Variants in CSMD3 observed in about 807,000 individuals in gnomAD.
CSMD3 encodes CUB and Sushi multiple domains 3, also known as CUB and sushi domain-containing protein 3.
Under a neutral mutation model 435.2 loss-of-function variants are expected in CSMD3, and 177 were observed. The ratio of observed to expected loss-of-function variants is 0.41; its 90% CI spans 0.36 to 0.46. The LOEUF is 0.46. CSMD3 is among the 20% of genes least tolerant of loss of function. The pLI, the probability that CSMD3 is intolerant of heterozygous loss-of-function variation, is 0.34. For missense variants in CSMD3, 4,265 were observed against 4,504.6 expected (o/e 0.95, Z 1.52); for synonymous variants, 1,656 against 1,520.5 (o/e 1.09, Z -2.07).
chr8:113,061,761 A>G (rs1327620885), intron 5 of CSMD3, among the ~76,000 whole-genome samples: 1 of 152,158 alleles, frequency 6.6e-6, no homozygotes, highest in South Asian at 2.1e-4. Flanking sequence ...AATAAAAAAA[A>G]AGTTAAAGCA....
At chr8:113,153,134 G>GAAAGAAAGAGAAA (rs1564370995) in intron 4 of CSMD3, among the ~76,000 whole-genome samples, 3 of 94,084 alleles carry the variant, frequency 3.2e-5, no homozygotes, top group African/African-American at 1.9e-4. Flanking sequence ...AGAGAAAGAA[G>GAAAGAAAGAGAAA]GAAGGAAGGA....
intron 10 of CSMD3, among the ~76,000 whole-genome samples, chr8:112,872,527 G>A (rs2081164874): frequency 6.6e-6 from 1 of 151,862 alleles, no homozygotes; most frequent in South Asian, 2.1e-4. Flanking sequence ...GAAATATAAT[G>A]TACAGATTTT....
chr8:112,775,668 A>G (rs1399880499), intron 13 of CSMD3, among the ~76,000 whole-genome samples: 4 of 152,010 alleles, frequency 2.6e-5, no homozygotes, highest in Admixed American at 2.6e-4. Flanking sequence ...TTTAAATGTA[A>G]GATGTGACAA....
At chr8:113,104,486 A>G (rs1297562258) in intron 4 of CSMD3, among the ~76,000 whole-genome samples, 1 of 152,110 alleles carries the variant, frequency 6.6e-6, no homozygotes, top group Non-Finnish European at 1.5e-5. Flanking sequence ...AACTGCCTCT[A>G]CTTACATTTA....
chr8:112,239,919 A>G (rs907097769), intron 66 of CSMD3, among the ~76,000 whole-genome samples: 1 of 152,048 alleles, frequency 6.6e-6, no homozygotes, highest in Non-Finnish European at 1.5e-5. Flanking sequence ...ACTCTGTTAC[A>G]GTCTTAATAT....
chr8:113,065,488 G>A (rs145920544), intron 5 of CSMD3, among the ~76,000 whole-genome samples: 14,620 of 152,070 alleles, frequency 0.096, 1,067 homozygotes, highest in African/African-American at 0.2. Context: ...CTGGGTTCAC[G>A]CCATTCTCCT....
At chr8:112,690,595 C>CCG (rs1554651863) in intron 13 of CSMD3, among the ~76,000 whole-genome samples, 18 of 150,302 alleles carry the variant, frequency 1.2e-4, no homozygotes, top group African/African-American at 4.4e-4. Context: ...AGACCCCCCC[C>CCG]CCCAACAAAA....
intron 13 of CSMD3, among the ~76,000 whole-genome samples, chr8:112,785,841 T>C (rs2078523535): frequency 6.6e-6 from 1 of 152,040 alleles, no homozygotes; most frequent in Admixed American, 6.6e-5. Context: ...ATCAGTATTA[T>C]TAACATGTCT....
chr8:112,821,273 T>C (rs1392886075), intron 12 of CSMD3, among the ~76,000 whole-genome samples: 1 of 152,232 alleles, frequency 6.6e-6, no homozygotes, highest in Non-Finnish European at 1.5e-5. Flanking sequence ...TTACCAGCAA[T>C]GTAAAATCAT....
chr8:112,436,501 T>G (rs1439842117), intron 32 of CSMD3, among the ~76,000 whole-genome samples: 1 of 151,894 alleles, frequency 6.6e-6, no homozygotes, highest in African/African-American at 2.4e-5. Flanking sequence ...CCTATACTGC[T>G]AAGTACAATA....
intron 1 of CSMD3, among the ~76,000 whole-genome samples, chr8:113,435,634 C>T (rs929095112): frequency 1.3e-5 from 2 of 151,882 alleles, no homozygotes; most frequent in Admixed American, 6.6e-5. Context: ...CCGCGACACA[C>T]AGACACCCGG....
chr8:112,604,768 T>C (rs553750969), intron 22 of CSMD3, among the ~76,000 whole-genome samples: 1 of 151,944 alleles, frequency 6.6e-6, no homozygotes, highest in South Asian at 2.1e-4. Context: ...TAGCAAGAAA[T>C]ACAAAAATTA....
intron 4 of CSMD3, among the ~76,000 whole-genome samples, chr8:113,147,549 C>T (rs1056184089): frequency 2.0e-5 from 3 of 151,568 alleles, no homozygotes; most frequent in African/African-American, 7.3e-5. Context: ...TCTGAACTCG[C>T]TTCTCTTCCC....
At chr8:112,839,935 T>G (rs1043029769) in intron 11 of CSMD3, among the ~76,000 whole-genome samples, 5 of 151,790 alleles carry the variant, frequency 3.3e-5, no homozygotes, top group African/African-American at 1.2e-4. Context: ...AAAGACAGGA[T>G]GTAAGATACC....
intron 5 of CSMD3, among the ~76,000 whole-genome samples, chr8:113,084,782 A>G (rs902776934): frequency 1.3e-5 from 2 of 152,064 alleles, no homozygotes; most frequent in East Asian, 1.9e-4. Context: ...TCAATAAAAC[A>G]TAATAGAGAA....
chr8:113,271,696 G>T (rs1482444155), intron 3 of CSMD3, among the ~76,000 whole-genome samples: 1 of 152,112 alleles, frequency 6.6e-6, no homozygotes, highest in Non-Finnish European at 1.5e-5. Context: ...TGTGGGATTG[G>T]AGCCCTCACA....
rs1247912380 is a variant in CSMD3 at position 112,265,610 on chromosome 8, AGAGCAGATGGTTAAT to A, written c.9509-35_9509-21del. On this transcript the variant is annotated intron_variant, in intron 59 of 70. Transcript: ENST00000297405. ...TGATTACTGTCAGTATTGGATTAGA[AGAGCAGATGGTTAAT>A]GAGGCATGTATTTAATGGAGAGGAG... The A allele has an allele frequency of 5.1e-6, 8 of 1,581,554 alleles. No individual in the cohort carries two copies. Among genetic ancestry groups the A allele is most frequent in the Non-Finnish European group, 7.0e-6 (8 of 1,150,784 alleles).
At chr8:113,121,461 TC>T in intron 4 of CSMD3, among the ~76,000 whole-genome samples, 1 of 152,218 alleles carries the variant, frequency 6.6e-6, no homozygotes, top group African/African-American at 2.4e-5. Flanking sequence ...TCACGTAAAA[TC>T]TTCAATCCTC....
At chr8:112,564,335 C>T (rs1198996214) in intron 24 of CSMD3, among the ~76,000 whole-genome samples, 2 of 150,456 alleles carry the variant, frequency 1.3e-5, no homozygotes, top group Non-Finnish European at 3.0e-5. Flanking sequence ...TCCTTCTCCC[C>T]TCCCTTCTCC....
Sources: allele counts gnomAD v4.1 joint callset (sites outside exome capture counted in the v4.1 genomes callset), GRCh38; gene constraint gnomAD v4.1.1; transcripts MANE v1.5; gene names NCBI Gene and HGNC (gene_info 2026-07-23, HGNC 2026-07-21).